Variants in IL22RA1 observed in about 807,000 individuals in gnomAD.
IL22RA1 encodes interleukin-22 receptor subunit alpha-1.
A neutral mutation model predicts 32.8 loss-of-function variants in IL22RA1; 25 were observed. The ratio of observed to expected loss-of-function variants is 0.76; its 90% CI spans 0.55 to 1.06. The LOEUF is 1.06. IL22RA1 is among the 50% of genes least tolerant of loss of function. IL22RA1 has a pLI of 0.00. For synonymous variants in IL22RA1, 305 were observed against 305.0 expected (o/e 1.00, Z 0.00); for missense variants, 709 against 727.4 (o/e 0.97, Z 0.29).
chr1:24,139,154 A>G (rs1416490208), intron 1 of IL22RA1, among the ~76,000 whole-genome samples: 3 of 152,208 alleles, frequency 2.0e-5, no homozygotes, highest in Non-Finnish European at 2.9e-5. Flanking sequence ...ACAACCACGA[A>G]TCTACTTCCT....
intron 3 of IL22RA1, among the ~76,000 whole-genome samples, chr1:24,135,585 C>A (rs920810529): frequency 3.9e-5 from 6 of 152,184 alleles, no homozygotes; most frequent in Non-Finnish European, 7.3e-5. Context: ...ACACCTCAGA[C>A]TGGGTAATTT....
intron 4 of IL22RA1, among the ~76,000 whole-genome samples, chr1:24,131,614 G>C (rs1185524150): frequency 1.3e-5 from 2 of 152,064 alleles, no homozygotes; most frequent in Non-Finnish European, 2.9e-5. Flanking sequence ...CAAAATGCAC[G>C]AAGCAAAAAT....
intron 3 of IL22RA1, 39 bp downstream of exon 3, chr1:24,137,092 C>T (rs1439233298): frequency 1.3e-6 from 2 of 1,589,052 alleles, no homozygotes; most frequent in Non-Finnish European, 1.7e-6. Context: ...CTGCGCTTTC[C>T]TCTTCCCTCC....
intron 5 of IL22RA1, among the ~76,000 whole-genome samples, chr1:24,127,708 GC>G (rs778954053): frequency 3.3e-5 from 5 of 152,196 alleles, no homozygotes; most frequent in Non-Finnish European, 7.3e-5. Flanking sequence ...CATGAGGCTT[GC>G]CCTTGGTTGT....
chr1:24,122,624 G>A (rs1023385403), intron 6 of IL22RA1, among the ~76,000 whole-genome samples: 9 of 151,812 alleles, frequency 5.9e-5, no homozygotes, highest in African/African-American at 1.5e-4. Context: ...GGTAAAACCC[G>A]TCTCTACTAA....
In IL22RA1 at chr1:24,120,639, C is replaced by T. The variant is rs1170611659; in HGVS notation, c.*166G>A. ...CATGCTGCTTTGCTCCGGTGAGGAGCGCACCCATGGCAGGGGCCCTGCATG... is the reference window on the plus strand; with the variant it reads ...CATGCTGCTTTGCTCCGGTGAGGAGTGCACCCATGGCAGGGGCCCTGCATG... On this transcript the variant is annotated 3_prime_UTR_variant, in exon 7 of 7. Transcript: ENST00000270800. 8 of 650,172 alleles carry T rather than the reference C, an allele frequency of 1.2e-5. No individual in the cohort carries two copies. The highest frequency in any genetic ancestry group is 5.5e-5 in the African/African-American group (3 of 54,932). The allele number at this position is 650,172 out of a possible 1,614,324, so 40.3% of individuals were successfully genotyped here.
intron 3 of IL22RA1, among the ~76,000 whole-genome samples, chr1:24,136,215 A>G (rs780031387): frequency 3.9e-5 from 6 of 152,060 alleles, no homozygotes; most frequent in Non-Finnish European, 5.9e-5. Flanking sequence ...TCAGCCTCCC[A>G]AAGTGCTGGG....
Position 24,121,129 on chromosome 1 carries a change from G to A in IL22RA1, c.1401C>T (p.Pro467=). 1 of 1,614,218 alleles carries A rather than the reference G, an allele frequency of 6.2e-7. No individual in the cohort carries two copies. Among genetic ancestry groups the A allele is most frequent in the Non-Finnish European group, 8.5e-7 (1 of 1,180,038 alleles). ...ESQEAKSLHQ[P]LGICTDRTSD... is the part of the protein sequence containing the mutation. ...ATGTTCTGTCTGTGCAAATCCCCAG[G>A]GGCTGGTGCAATGATTTTGCTTCTT... The change falls in exon 7 of 7, where the codon CCC becomes CCT. Residue 467 remains proline (P), a synonymous_variant. Transcript: ENST00000270800.
intron 4 of IL22RA1, among the ~76,000 whole-genome samples, chr1:24,132,716 G>A (rs1028532686): frequency 4.6e-5 from 7 of 151,720 alleles, no homozygotes; most frequent in South Asian, 2.1e-4. Context: ...AATGTCTTAA[G>A]TTGGCCGGGT....
chr1:24,127,826 C>T (rs1381717537), intron 5 of IL22RA1, among the ~76,000 whole-genome samples: 1 of 152,102 alleles, frequency 6.6e-6, no homozygotes, highest in African/African-American at 2.4e-5. Context: ...CTGCTTCCCC[C>T]CTGCAGATTT....
intron 5 of IL22RA1, among the ~76,000 whole-genome samples, chr1:24,126,559 A>G (rs1644162916): frequency 6.6e-6 from 1 of 152,110 alleles, no homozygotes; most frequent in Non-Finnish European, 1.5e-5. Context: ...CATTCCTCAC[A>G]CGGTACTTCT....
At chr1:24,137,719 G>A (rs900410050) in intron 2 of IL22RA1, among the ~76,000 whole-genome samples, 1 of 152,008 alleles carries the variant, frequency 6.6e-6, no homozygotes, top group Non-Finnish European at 1.5e-5. Flanking sequence ...TGGCCACCCT[G>A]TTGGTCAGGC....
At chr1:24,132,756 T>A (rs1425984067) in intron 4 of IL22RA1, among the ~76,000 whole-genome samples, 1 of 151,770 alleles carries the variant, frequency 6.6e-6, no homozygotes, top group South Asian at 2.1e-4. Flanking sequence ...AACCCAGCAC[T>A]TTGGGAGGCT....
intron 4 of IL22RA1, 133 bp from the exon 5 acceptor site, chr1:24,128,412 C>T (rs79895649): frequency 0.084 from 87,231 of 1,032,954 alleles, 4,417 homozygotes; most frequent in Non-Finnish European, 0.1. Flanking sequence ...TGTTTCCATT[C>T]CCCTCCCTTC....
chr1:24,137,250 C>T lies in IL22RA1; in HGVS notation c.236G>A (p.Cys79Tyr). 3.1e-6 allele frequency: 5 copies of T among 1,614,170 alleles called. No homozygotes were observed. Among genetic ancestry groups the T allele is most frequent in the Non-Finnish European group, 2.5e-6 (3 of 1,180,034 alleles). The change falls in exon 3 of 7, where the codon TGC (cysteine) becomes TAC (tyrosine). Residue 79 changes from cysteine to tyrosine, a missense_variant. By Grantham distance (194) the Cys-to-Tyr change is radical (BLOSUM62 -2). Transcript: ENST00000270800. ...GTTGCCCGTCTCCACCGTCAGGTTG[C>T]AGGACTTCCGGGTGATCCGCTGACA... ...KGCQRITRKSCNLTVETGNLT... is the reference protein window; with the variant it reads ...KGCQRITRKSYNLTVETGNLT...
intron 5 of IL22RA1, among the ~76,000 whole-genome samples, chr1:24,127,016 C>CAAAAAAAAA (rs59069321): frequency 4.1e-5 from 3 of 72,792 alleles, no homozygotes; most frequent in African/African-American, 1.0e-4. Context: ...ACTAAAAATA[C>CAAAAAAAAA]AAAAAAAAAA....
chr1:24,128,530 C>CATAT (rs56091453), intron 4 of IL22RA1, among the ~76,000 whole-genome samples: 44,499 of 147,472 alleles, frequency 0.3, 6,901 homozygotes, highest in East Asian at 0.35. Flanking sequence ...TGGTTATATA[C>CATAT]ATATATATAT....
chr1:24,131,229 G>T (rs1644202734), intron 4 of IL22RA1, among the ~76,000 whole-genome samples: 1 of 152,154 alleles, frequency 6.6e-6, no homozygotes, highest in Admixed American at 6.5e-5. Context: ...CTTGAAGAAA[G>T]ATTGATAAGG....
intron 6 of IL22RA1, among the ~76,000 whole-genome samples, chr1:24,122,674 T>C (rs967046027): frequency 6.6e-6 from 1 of 151,922 alleles, no homozygotes; most frequent in Non-Finnish European, 1.5e-5. Flanking sequence ...GGTGCATGCC[T>C]GTAATCCCAG....
Sources: gnomAD v4.1 joint callset for allele counts (sites outside exome capture counted in the v4.1 genomes callset) on GRCh38, gnomAD v4.1.1 for gene constraint, MANE v1.5 for transcripts, NCBI Gene and HGNC (gene_info 2026-07-23, HGNC 2026-07-21) for gene names.